CDH23: variants seen among roughly 807,000 people sequenced by gnomAD.
The protein encoded by CDH23 is cadherin related 23.
CDH23 carries 189 observed loss-of-function variants against 317.1 expected under a neutral mutation model. The observed-to-expected ratio is 0.60, with a 90% confidence interval of 0.53 to 0.67. CDH23 has a LOEUF of 0.67. CDH23 is among the 30% of genes least tolerant of loss of function. The pLI is 0.00. For synonymous variants in CDH23, 1,839 were observed against 1,876.8 expected (o/e 0.98, Z 0.52); for missense variants, 4,401 against 4,592.4 (o/e 0.96, Z 1.20).
chr10:71,667,392 G>GTGTGTGTA lies in CDH23; in HGVS notation c.1450-7716_1450-7715insTGTATGTG, dbSNP rs756166579. ...TGTGTGTGTGTGTGTGTGTGTGTGT[G>GTGTGTGTA]TGTGCGCGTGTGTGTGTGAGGGGTG... On this transcript the variant is annotated intron_variant, in intron 14 of 69. Transcript: ENST00000224721. 5.1e-3 allele frequency among the ~76,000 whole-genome samples: 520 copies of GTGTGTGTA among 101,952 alleles called. 5 individuals carry two copies. The highest frequency in any genetic ancestry group is 0.019 in the South Asian group (57 of 3,020). The allele number at this position is 101,952 out of a possible 152,430, so 66.9% of individuals were successfully genotyped here.
chr10:71,814,635 TACACACACATAC>T, intron 69 of CDH23, among the ~76,000 whole-genome samples: 1 of 151,364 alleles, frequency 6.6e-6, no homozygotes, highest in South Asian at 2.1e-4. Context: ...AGACTCTGTC[TACACACACATAC>T]ACACACACAC....
intron 17 of CDH23, among the ~76,000 whole-genome samples, chr10:71,681,306 C>T (rs1312316398): frequency 6.6e-6 from 1 of 152,104 alleles, no homozygotes; most frequent in South Asian, 2.1e-4. Context: ...ACCTCCCATG[C>T]CCCCCACTCC....
chr10:71,730,937 C>T (rs575672493), intron 31 of CDH23, among the ~76,000 whole-genome samples: 7 of 152,314 alleles, frequency 4.6e-5, no homozygotes, highest in African/African-American at 1.4e-4. Flanking sequence ...TAAAGAGGAC[C>T]GGTCAGAAAG....
intron 17 of CDH23, among the ~76,000 whole-genome samples, chr10:71,681,812 G>A (rs1194325453): frequency 2.0e-5 from 3 of 152,198 alleles, no homozygotes; most frequent in African/African-American, 2.4e-5. Flanking sequence ...AAGGAGAAGG[G>A]AGGGAAGAAG....
chr10:71,476,080 A>G (rs1004543772), intron 3 of CDH23, among the ~76,000 whole-genome samples: 1 of 152,064 alleles, frequency 6.6e-6, no homozygotes, highest in Non-Finnish European at 1.5e-5. Flanking sequence ...GTTTGATGGG[A>G]GCTGAGGATA....
At position 71,734,333 on chromosome 10, in the gene CDH23, T is replaced by G. The variant is rs1839490164; in HGVS notation, c.4198T>G (p.Ser1400Ala). 4 of 1,607,836 alleles carry G rather than the reference T, an allele frequency of 2.5e-6. No individual in the cohort carries two copies. Among genetic ancestry groups the G allele is most frequent in the Non-Finnish European group, 3.4e-6 (4 of 1,177,148 alleles). The change falls in exon 33 of 70, where the codon TCC becomes GCC. Residue 1400 changes from serine to alanine, a missense_variant. By Grantham distance (99) the Ser-to-Ala change is moderately conservative. This residue lies in a region of CDH23 where 3,068 missense variants were observed against 3,203.3 expected (regional missense o/e 0.96). Coordinates refer to ENST00000224721, the MANE Select transcript of CDH23 (RefSeq NM_022124.6). The stretch of plus-strand genomic sequence containing the variant: ...AGATGACGGCGGCCCCAAGGTGGAC[T>G]CCACCGTGGTGAGTGGGACCAGGGT... ...VADDGGPKVD[S>A]TVKVYITVLD...
rs1229467945 is a variant in CDH23, at chr10:71,677,540, C to T, written c.1599C>T (p.Ile533=). Reference sequence around the variant, plus strand: ...TCATCCAGCGCTTCACCCTGACGATCATTGCCCGGGACGGGGGCGGCGAGG... The same window carrying T: ...TCATCCAGCGCTTCACCCTGACGATTATTGCCCGGGACGGGGGCGGCGAGG... ...YELIQRFTLT[I]IARDGGGEET... Residue 533 remains isoleucine (I), a synonymous_variant, in exon 16 of 70, where the codon ATC becomes ATT. Coordinates refer to ENST00000224721, the MANE Select transcript of CDH23 (RefSeq NM_022124.6). The T allele has an allele frequency of 6.2e-7, 1 of 1,612,092 alleles. No homozygotes were observed. Among genetic ancestry groups the T allele is most frequent in the African/African-American group, 1.3e-5 (1 of 74,898 alleles).
Position 71,694,277 on chromosome 10 carries a change from C to A in CDH23, c.2289+18C>A. The A allele has an allele frequency of 6.3e-7, 1 of 1,589,682 alleles. No homozygotes were observed. Among genetic ancestry groups the A allele is most frequent in the Non-Finnish European group, 8.6e-7 (1 of 1,161,128 alleles). ...TCGCCACCGTGAGTGCGCTCCCCTC[C>A]CGTGCCCCAGCTCCCCCTCGCCGGC... On this transcript the variant is annotated intron_variant, in intron 21 of 69. Transcript: ENST00000224721.
chr10:71,763,598 G>C (rs936655687), intron 38 of CDH23, among the ~76,000 whole-genome samples: 2 of 152,196 alleles, frequency 1.3e-5, no homozygotes, highest in Non-Finnish European at 2.9e-5. Context: ...AGCCTGTACT[G>C]GACCAGTAGC....
intron 6 of CDH23, among the ~76,000 whole-genome samples, chr10:71,519,379 C>G (rs1174293679): frequency 7.9e-5 from 12 of 152,234 alleles, no homozygotes; most frequent in African/African-American, 2.2e-4. Context: ...TTTCCTTGCC[C>G]CCATGGTGGG....
At chr10:71,460,127 A>G (rs1850904832) in intron 3 of CDH23, among the ~76,000 whole-genome samples, 1 of 152,236 alleles carries the variant, frequency 6.6e-6, no homozygotes, top group Non-Finnish European at 1.5e-5. Flanking sequence ...TAAGCTGCTG[A>G]GCTGAATTCA....
chr10:71,792,307 A>G (rs1029399767), intron 47 of CDH23, among the ~76,000 whole-genome samples: 2 of 151,034 alleles, frequency 1.3e-5, no homozygotes, highest in African/African-American at 4.9e-5. Context: ...CCCCCATGTC[A>G]GACACCAAAA....
chr10:71,689,079 AG>A (rs1865066225), intron 19 of CDH23, among the ~76,000 whole-genome samples: 2 of 139,428 alleles, frequency 1.4e-5, no homozygotes, highest in African/African-American at 5.2e-5. Flanking sequence ...TGGTGGAGCC[AG>A]GGGTGGTGGA....
intron 3 of CDH23, among the ~76,000 whole-genome samples, chr10:71,453,454 G>C (rs1476824441): frequency 1.3e-5 from 2 of 152,240 alleles, no homozygotes; most frequent in East Asian, 3.9e-4. Flanking sequence ...GGCCAGGGAG[G>C]GCAGATGGTG....
intron 6 of CDH23, among the ~76,000 whole-genome samples, chr10:71,546,479 C>T (rs1856289469): frequency 6.6e-6 from 1 of 152,124 alleles, no homozygotes; most frequent in Admixed American, 6.5e-5. Context: ...AGAATGTGGG[C>T]TCTGGGAGCC....
chr10:71,792,100 T>G (rs1841266541), intron 47 of CDH23, among the ~76,000 whole-genome samples: 1 of 152,148 alleles, frequency 6.6e-6, no homozygotes, highest in African/African-American at 2.4e-5. Flanking sequence ...GGCACAAGAC[T>G]CCAGGACAAA....
intron 67 of CDH23, 51 bp downstream of exon 67, chr10:71,812,660 G>A: frequency 1.2e-6 from 2 of 1,612,976 alleles, no homozygotes; most frequent in Non-Finnish European, 1.7e-6. Flanking sequence ...GAGGGGCTGG[G>A]TCTTTGCAAC....
At chr10:71,516,661 C>CT (rs747422682) in intron 6 of CDH23, among the ~76,000 whole-genome samples, 60 of 152,138 alleles carry the variant, frequency 3.9e-4, no homozygotes, top group Admixed American at 2.6e-4. Context: ...CCACCACCTC[C>CT]TGGGGTAGCC....
rs903183941 is a variant in CDH23, at chr10:71,555,337, C to G, written c.430-11405C>G. Among the ~76,000 whole-genome samples, 3 of 152,186 alleles carry G rather than the reference C, an allele frequency of 2.0e-5. No individual in the cohort carries two copies. In the South Asian group the frequency reaches 6.2e-4, roughly 32 times the overall value. ...CCGTCACCACGGCCCTCCCTGTTCC[C>G]TTTTTCTTTGCGCACAGCCCTTAGC... On this transcript the variant is annotated intron_variant, in intron 6 of 69. Coordinates refer to ENST00000224721, the MANE Select transcript of CDH23 (RefSeq NM_022124.6).
Sources: gnomAD v4.1 joint callset for allele counts (sites outside exome capture counted in the v4.1 genomes callset) on GRCh38, gnomAD v4.1.1 for gene constraint, gnomAD v4.1.1 regional missense constraint, MANE v1.5 for transcripts, NCBI Gene and HGNC (gene_info 2026-07-23, HGNC 2026-07-21) for gene names.